Variants in NOX4 observed in about 807,000 individuals in gnomAD.
NOX4 encodes kidney oxidase-1.
NOX4 carries 69 observed loss-of-function variants against 87.6 expected under a neutral mutation model. That is an observed-to-expected ratio of 0.79 (90% CI 0.65 to 0.96). NOX4 has a LOEUF of 0.96. Among genes scored for constraint, NOX4 ranks in the 40% least tolerant of loss-of-function variants. The pLI, the probability that NOX4 is intolerant of heterozygous loss-of-function variation, is 0.00. For synonymous variants in NOX4, 275 were observed against 238.2 expected (o/e 1.15, Z -1.42); for missense variants, 680 against 681.5 (o/e 1.00, Z 0.02).
At chr11:89,572,373 C>T in the NOX4 span, among the ~76,000 whole-genome samples, 7 of 152,146 alleles carry the variant, frequency 4.6e-5, no homozygotes, top group Non-Finnish European at 7.4e-5. Context: ...TGCTATCGAC[C>T]TCTAGCTCAA....
chr11:89,390,333 C>A (rs568041886), intron 11 of NOX4, among the ~76,000 whole-genome samples: 91 of 152,278 alleles, frequency 6.0e-4, no homozygotes, highest in South Asian at 4.1e-4. Flanking sequence ...GAGCTTGTAA[C>A]CCCCCAAATC....
rs1389400040 is a variant in NOX4, at chr11:89,324,445, C to T, written c.*2311G>A. The T allele has an allele frequency of 1.3e-5, 2 of 152,090 alleles. No homozygotes were observed. Among genetic ancestry groups the T allele is most frequent in the African/African-American group, 4.8e-5 (2 of 41,430 alleles). 9.4% of individuals were successfully genotyped at this position (152,090 alleles called of 1,614,324 possible). A position where few individuals can be genotyped will look rare whatever the true frequency, so the allele number is the denominator to read the frequency against. ...AGAGAAATAATCCCTCAAAATAAAA[C>T]AAAGTTCTCTTAAACATGCAAGATG... On this transcript the variant is annotated 3_prime_UTR_variant, in exon 18 of 18. Coordinates refer to ENST00000263317, the MANE Select transcript of NOX4 (RefSeq NM_016931.5).
chr11:89,465,061 A>G (rs531326311), intron 2 of NOX4, among the ~76,000 whole-genome samples: 3 of 152,308 alleles, frequency 2.0e-5, no homozygotes, highest in African/African-American at 7.2e-5. Flanking sequence ...ACATAGGTAT[A>G]CACGTACCAT....
At chr11:89,441,242 A>G (rs1198460823) in intron 5 of NOX4, among the ~76,000 whole-genome samples, 2 of 152,180 alleles carry the variant, frequency 1.3e-5, no homozygotes, top group Non-Finnish European at 2.9e-5. Context: ...CTCAAATAAA[A>G]ACCAGTTTCT....
chr11:89,554,579 A>G, the NOX4 span, among the ~76,000 whole-genome samples: 1 of 152,144 alleles, frequency 6.6e-6, no homozygotes, highest in Non-Finnish European at 1.5e-5. Flanking sequence ...ATATTCAGGT[A>G]TAGTTATAAA....
chr11:89,588,805 C>T, the NOX4 span, among the ~76,000 whole-genome samples: 1 of 152,020 alleles, frequency 6.6e-6, no homozygotes, highest in African/African-American at 2.4e-5. Context: ...ATTGAGAATG[C>T]GAAATAAATA....
the NOX4 span, among the ~76,000 whole-genome samples, chr11:89,532,846 A>G: frequency 6.6e-6 from 1 of 152,082 alleles, no homozygotes; most frequent in East Asian, 1.9e-4. Context: ...CTGAGTTCTC[A>G]TGCGATCTGA....
chr11:89,536,133 CTTTTCTTTTTTTT>C, the NOX4 span, among the ~76,000 whole-genome samples: 1 of 134,752 alleles, frequency 7.4e-6, no homozygotes, highest in African/African-American at 3.0e-5. Flanking sequence ...TGATCTGGTC[CTTTTCTTTTTTTT>C]TTTTTTTTTT....
chr11:89,391,271 G>C (rs551260297), intron 11 of NOX4, among the ~76,000 whole-genome samples: 16 of 152,230 alleles, frequency 1.1e-4, no homozygotes, highest in African/African-American at 3.9e-4. Flanking sequence ...TAATCTAATA[G>C]GGAAGGGTCA....
At chr11:89,517,266 TA>T in the NOX4 span, among the ~76,000 whole-genome samples, 1 of 152,116 alleles carries the variant, frequency 6.6e-6, no homozygotes, top group East Asian at 1.9e-4. Flanking sequence ...AAAAGTAATG[TA>T]AAATGTCCTG....
At chr11:89,382,339 C>A (rs1225436760) in intron 11 of NOX4, among the ~76,000 whole-genome samples, 1 of 152,100 alleles carries the variant, frequency 6.6e-6, no homozygotes, top group Non-Finnish European at 1.5e-5. Context: ...TTCTGCAATG[C>A]CACTTGACCC....
the NOX4 span, among the ~76,000 whole-genome samples, chr11:89,587,829 G>A: frequency 1.3e-5 from 2 of 152,038 alleles, no homozygotes; most frequent in East Asian, 3.9e-4. Flanking sequence ...AAAGGATTGG[G>A]ATTGGGCTAT....
At chr11:89,361,182 A>T (rs1378867371) in intron 12 of NOX4, among the ~76,000 whole-genome samples, 1 of 152,128 alleles carries the variant, frequency 6.6e-6, no homozygotes, top group East Asian at 1.9e-4. Context: ...CACAACAATA[A>T]AGATATGGAA....
At chr11:89,417,037 T>C (rs564200043) in intron 8 of NOX4, among the ~76,000 whole-genome samples, 1 of 152,210 alleles carries the variant, frequency 6.6e-6, no homozygotes, top group African/African-American at 2.4e-5. Context: ...CACATTATAG[T>C]CTCTCTCACT....
At chr11:89,455,492 T>A (rs937348920) in intron 2 of NOX4, among the ~76,000 whole-genome samples, 5 of 152,112 alleles carry the variant, frequency 3.3e-5, no homozygotes, top group African/African-American at 1.2e-4. Flanking sequence ...TTTCAGTAAA[T>A]CTTTGTTGAA....
At chr11:89,511,552 A>G in the NOX4 span, among the ~76,000 whole-genome samples, 1 of 151,956 alleles carries the variant, frequency 6.6e-6, no homozygotes, top group East Asian at 1.9e-4. Context: ...AAGGCAATGG[A>G]CCGTCTAATT....
chr11:89,580,316 C>G, the NOX4 span, among the ~76,000 whole-genome samples: 36 of 152,170 alleles, frequency 2.4e-4, no homozygotes, highest in Admixed American at 2.3e-3. Context: ...TCCTAAAGAG[C>G]TGGGACTACA....
chr11:89,579,603 C>T, the NOX4 span, among the ~76,000 whole-genome samples: 1 of 149,154 alleles, frequency 6.7e-6, no homozygotes, highest in Non-Finnish European at 1.5e-5. Context: ...ATAGAATATA[C>T]AACATATAGA....
chr11:89,388,782 G>A (rs1046273356), intron 11 of NOX4, among the ~76,000 whole-genome samples: 12 of 152,008 alleles, frequency 7.9e-5, no homozygotes, highest in Non-Finnish European at 1.5e-5. Context: ...TGAAGAACGA[G>A]GCAAAAAATC....
Sources: allele counts gnomAD v4.1 joint callset (sites outside exome capture counted in the v4.1 genomes callset), GRCh38; gene constraint gnomAD v4.1.1; transcripts MANE v1.5; gene names NCBI Gene and HGNC (gene_info 2026-07-23, HGNC 2026-07-21).